ATF7IP: variants seen among roughly 807,000 people sequenced by gnomAD.
The protein encoded by ATF7IP is activating transcription factor 7 interacting protein.
A neutral mutation model predicts 106.4 loss-of-function variants in ATF7IP; 23 were observed. The observed-to-expected ratio is 0.22, with a 90% CI of 0.16 to 0.31. The LOEUF (loss-of-function observed/expected upper bound fraction) is 0.31. Ranked by LOEUF, ATF7IP falls within the 10% of genes least tolerant of loss-of-function variation. ATF7IP has a pLI of 1.00. For missense variants in ATF7IP, 1,334 were observed against 1,524.3 expected (o/e 0.88, Z 2.08); for synonymous variants, 542 against 539.0 (o/e 1.01, Z -0.08).
intron 1 of ATF7IP, among the ~76,000 whole-genome samples, chr12:14,398,387 GTT>G (rs199525754): frequency 1.4e-5 from 2 of 144,350 alleles, no homozygotes; most frequent in African/African-American, 5.1e-5. Flanking sequence ...ACATCTAAAA[GTT>G]TTTTTTTTTA....
chr12:14,423,500 C>T, intron 1 of ATF7IP, among the ~76,000 whole-genome samples: 1 of 148,272 alleles, frequency 6.7e-6, no homozygotes, highest in East Asian at 2.0e-4. Context: ...CTCCTTTTTC[C>T]TTTATCTCTA....
chr12:14,368,605 A>G (rs551598545), intron 1 of ATF7IP, among the ~76,000 whole-genome samples: 1 of 152,284 alleles, frequency 6.6e-6, no homozygotes, highest in Non-Finnish European at 1.5e-5. Flanking sequence ...TGCAAAATTG[A>G]TAAAAACTTT....
chr12:14,478,367 C>T lies in ATF7IP; in HGVS notation c.2992C>T (p.Pro998Ser), dbSNP rs765123965. The change falls in exon 12 of 15, where the codon CCT (proline) becomes TCT (serine). Residue 998 changes from proline to serine, a missense_variant. Pro to Ser is a moderately conservative substitution (Grantham distance 74). Coordinates refer to ENST00000261168, the MANE Select transcript of ATF7IP (RefSeq NM_018179.5). The stretch of plus-strand genomic sequence containing the variant: ...TGTATCAACCATGAGTTCTTCTCAG[C>T]CTGTGTCACGACCATTGCAACCCAT... ...TPVSTMSSSQPVSRPLQPIQP... is the reference protein window; with the variant it reads ...TPVSTMSSSQSVSRPLQPIQP... 13 of 1,613,916 alleles carry T rather than the reference C, an allele frequency of 8.1e-6. No individual in the cohort carries two copies. The Admixed American group carries it at 1.8e-4, about 23-fold the overall frequency.
chr12:14,390,615 AT>A (rs1200605414), intron 1 of ATF7IP, among the ~76,000 whole-genome samples: 2 of 152,230 alleles, frequency 1.3e-5, no homozygotes, highest in Admixed American at 1.3e-4. Context: ...TTTATAAAAG[AT>A]TTTTGCTCAA....
At position 14,460,919 on chromosome 12, in the gene ATF7IP, C is replaced by A. The variant is rs1943612655; in HGVS notation, c.2583C>A (p.Ala861=). The A allele has an allele frequency of 6.2e-7, 1 of 1,614,044 alleles. No homozygotes were observed. The highest frequency in any genetic ancestry group is 1.3e-5 in the African/African-American group (1 of 74,930). ...CTAGTATTCAAAGGAACCCTACTGC[C>A]AGTGCTGCACCATTGGGAACAACAC... is the stretch of plus-strand genomic sequence containing the variant. ...PSPSIQRNPT[A]SAAPLGTTLA... The change falls in exon 9 of 15, where the codon GCC becomes GCA. Residue 861 remains alanine, a synonymous_variant. Coordinates refer to ENST00000261168, the MANE Select transcript of ATF7IP (RefSeq NM_018179.5).
rs1161185899 is a variant in ATF7IP at position 14,501,613 on chromosome 12, G to A, written c.*3540G>A. The A allele has an allele frequency of 3.9e-5, 6 of 152,118 alleles. No homozygotes were observed. The highest frequency in any genetic ancestry group is 1.4e-4 in the African/African-American group (6 of 41,424). 9.4% of individuals were successfully genotyped at this position (152,118 alleles called of 1,614,324 possible). A position where few individuals can be genotyped will look rare whatever the true frequency, so the allele number is the denominator to read the frequency against. On this transcript the variant is annotated 3_prime_UTR_variant, in exon 15 of 15. Coordinates refer to ENST00000261168, the MANE Select transcript of ATF7IP (RefSeq NM_018179.5). Reference sequence around the variant, plus strand: ...TGTTTAAGGTAGTATATAAGTTTATGAGAGAAGTGGAGAGCTTTCTTCCTT... The same window carrying A: ...TGTTTAAGGTAGTATATAAGTTTATAAGAGAAGTGGAGAGCTTTCTTCCTT...
intron 10 of ATF7IP, among the ~76,000 whole-genome samples, chr12:14,470,391 T>G (rs1419992972): frequency 6.6e-6 from 1 of 152,230 alleles, no homozygotes; most frequent in Non-Finnish European, 1.5e-5. Flanking sequence ...ATATAATTTT[T>G]TAATGATTTC....
Position 14,498,185 on chromosome 12 carries a change from A to AAG in ATF7IP, c.*112_*113insAG. 1 of 1,028,522 alleles carries AAG rather than the reference A, an allele frequency of 9.7e-7. No homozygotes were observed. Among genetic ancestry groups the AAG allele is most frequent in the Non-Finnish European group, 1.4e-6 (1 of 703,438 alleles). 63.7% of individuals were successfully genotyped at this position (1,028,522 alleles called of 1,614,324 possible). On this transcript the variant is annotated 3_prime_UTR_variant, in exon 15 of 15. Transcript: ENST00000261168. ...CCACCTTGTGCAAGATTTCTTGGAC[A>AAG]GATGTGTGTATACACTACATTTGTT...
At chr12:14,471,827 C>G (rs1944055955) in intron 10 of ATF7IP, among the ~76,000 whole-genome samples, 1 of 151,564 alleles carries the variant, frequency 6.6e-6, no homozygotes, top group Admixed American at 6.6e-5. Flanking sequence ...AACTACAATT[C>G]AAGATGACAT....
chr12:14,391,666 C>G (rs1280720177), intron 1 of ATF7IP, among the ~76,000 whole-genome samples: 1 of 152,094 alleles, frequency 6.6e-6, no homozygotes, highest in Non-Finnish European at 1.5e-5. Context: ...ATATAGTGCT[C>G]AAAGTACAGT....
In ATF7IP at chr12:14,424,710, C is replaced by A; in HGVS notation, c.795C>A (p.Ala265=). ...ASGDLSSSEL[A]SDDLATGELA... ...GTGATCTATCCTCTAGTGAACTGGC[C>A]TCTGATGATCTGGCCACTGGTGAAC... is the stretch of plus-strand genomic sequence containing the variant. The change falls in exon 2 of 15, where the codon GCC becomes GCA. Residue 265 remains alanine (A), a synonymous_variant. Transcript: ENST00000261168. The A allele has an allele frequency of 6.2e-7, 1 of 1,614,098 alleles. No homozygotes were observed. Among genetic ancestry groups the A allele is most frequent in the South Asian group, 1.1e-5 (1 of 91,080 alleles).
intron 1 of ATF7IP, among the ~76,000 whole-genome samples, chr12:14,368,290 CT>C (rs1180959652): frequency 6.6e-6 from 1 of 151,960 alleles, no homozygotes; most frequent in Non-Finnish European, 1.5e-5. Flanking sequence ...CATTTCTACT[CT>C]TTTAATGTTA....
chr12:14,496,334 A>G lies in ATF7IP; in HGVS notation c.3384A>G (p.Gln1128=). The change falls in exon 14 of 15, where the codon CAA becomes CAG. Residue 1128 remains glutamine (Q), a synonymous_variant. Coordinates refer to ENST00000261168, the MANE Select transcript of ATF7IP (RefSeq NM_018179.5). The part of the protein sequence containing the change: ...PQLTVHHRPP[Q]VHTEPPRPVH... ...TCACAGTGCATCACCGACCACCACAAGTGCATACTGTAAGTGTTGATGCTT... is the reference window on the plus strand; with the variant it reads ...TCACAGTGCATCACCGACCACCACAGGTGCATACTGTAAGTGTTGATGCTT... 1.2e-6 allele frequency: 2 copies of G among 1,611,890 alleles called. No individual in the cohort carries two copies. The highest frequency in any genetic ancestry group is 1.7e-6 in the Non-Finnish European group (2 of 1,178,074).
chr12:14,433,472 A>G (rs1248703077), intron 2 of ATF7IP, among the ~76,000 whole-genome samples: 5 of 151,966 alleles, frequency 3.3e-5, no homozygotes, highest in African/African-American at 4.8e-5. Flanking sequence ...GCTACTGTAC[A>G]CTAGCCTGGC....
rs567474591 is a variant in ATF7IP at position 14,415,950 on chromosome 12, T to C, written c.-7-7959T>C. 5.3e-5 allele frequency among the ~76,000 whole-genome samples: 8 copies of C among 152,258 alleles called. No individual in the cohort carries two copies. In the East Asian group the frequency reaches 1.5e-3, roughly 29 times the overall value. ...TCTGTAGGGAGTCCTGGGACCAGTCTCCCACAAATACTGATGGACATGGTA... is the reference window on the plus strand; with the variant it reads ...TCTGTAGGGAGTCCTGGGACCAGTCCCCCACAAATACTGATGGACATGGTA... On this transcript the variant is annotated intron_variant, in intron 1 of 14. Transcript: ENST00000261168.
At chr12:14,466,397 T>G in intron 9 of ATF7IP, 129 bp from the exon 10 acceptor site, 1 of 721,662 alleles carries the variant, frequency 1.4e-6, no homozygotes, top group Non-Finnish European at 2.4e-6. Context: ...GAATTTGAGT[T>G]TTTATTTATG....
At chr12:14,476,994 A>C (rs1001535467) in intron 11 of ATF7IP, among the ~76,000 whole-genome samples, 2 of 152,152 alleles carry the variant, frequency 1.3e-5, no homozygotes, top group Admixed American at 6.5e-5. Context: ...AGCCTTTACT[A>C]TGCTAATTTA....
intron 10 of ATF7IP, among the ~76,000 whole-genome samples, chr12:14,467,113 T>C (rs1001761148): frequency 6.6e-6 from 1 of 152,154 alleles, no homozygotes; most frequent in Non-Finnish European, 1.5e-5. Context: ...CACCCGGTAA[T>C]AGAATAACTA....
chr12:14,370,488 T>C (rs1938488106), intron 1 of ATF7IP, among the ~76,000 whole-genome samples: 2 of 152,228 alleles, frequency 1.3e-5, no homozygotes, highest in South Asian at 2.1e-4. Context: ...TTGACTGTTT[T>C]TGCAGATCAA....
Sources: gnomAD v4.1 joint callset for allele counts (sites outside exome capture counted in the v4.1 genomes callset) on GRCh38, gnomAD v4.1.1 for gene constraint, MANE v1.5 for transcripts, NCBI Gene and HGNC (gene_info 2026-07-23, HGNC 2026-07-21) for gene names.